Variants in CLVS1 observed in about 807,000 individuals in gnomAD.
CLVS1 encodes the protein clavesin 1, also known as clavesin-1.
CLVS1 carries 10 observed loss-of-function variants against 33.1 expected under a neutral mutation model. The ratio of observed to expected loss-of-function variants is 0.30; its 90% CI spans 0.19 to 0.51. CLVS1 has a LOEUF of 0.51. Among genes scored for constraint, CLVS1 ranks in the 20% least tolerant of loss-of-function variants. The pLI is 0.97. For synonymous variants in CLVS1, 163 were observed against 166.1 expected, an observed-to-expected ratio of 0.98 and a Z score of 0.14; for missense variants, 343 against 433.4, an observed-to-expected ratio of 0.79 and a Z score of 1.85.
intron 3 of CLVS1, among the ~76,000 whole-genome samples, chr8:61,394,271 GC>G (rs1814429853): frequency 6.6e-6 from 1 of 152,130 alleles, no homozygotes; most frequent in Non-Finnish European, 1.5e-5. Context: ...GAGTTGGTTG[GC>G]CCAGGAGGTG....
At chr8:61,491,287 A>G (rs1487289347) in intron 5 of CLVS1, among the ~76,000 whole-genome samples, 2 of 152,220 alleles carry the variant, frequency 1.3e-5, no homozygotes, top group African/African-American at 2.4e-5. Flanking sequence ...ATTGTTTTAC[A>G]TGGGATCAGA....
At chr8:61,274,378 T>C (rs888325722) in intron 2 of CLVS1, among the ~76,000 whole-genome samples, 6 of 152,212 alleles carry the variant, frequency 3.9e-5, no homozygotes. Flanking sequence ...AAATTAGCTC[T>C]ATTTCCCTGA....
chr8:61,066,963 C>G (rs1804694173), intron 1 of CLVS1, among the ~76,000 whole-genome samples: 1 of 152,056 alleles, frequency 6.6e-6, no homozygotes, highest in South Asian at 2.1e-4. Flanking sequence ...TGACTGCAGT[C>G]TAGTCATCAA....
chr8:60,969,754 C>T, the CLVS1 span, among the ~76,000 whole-genome samples: 10 of 151,810 alleles, frequency 6.6e-5, no homozygotes, highest in African/African-American at 2.4e-4. Flanking sequence ...ATTCAGCATC[C>T]ATGAATTAAC....
At chr8:61,003,377 C>A in the CLVS1 span, among the ~76,000 whole-genome samples, 60 of 152,276 alleles carry the variant, frequency 3.9e-4, 1 homozygote, top group South Asian at 4.6e-3. Context: ...AACAGGCTCA[C>A]CACCTTTGGC....
intron 2 of CLVS1, among the ~76,000 whole-genome samples, chr8:61,253,150 A>T (rs937224672): frequency 3.3e-5 from 5 of 152,046 alleles, no homozygotes; most frequent in African/African-American, 1.2e-4. Flanking sequence ...TGCTTGTCTG[A>T]AAAGTATTTT....
intron 2 of CLVS1, among the ~76,000 whole-genome samples, chr8:61,245,141 T>C (rs939121597): frequency 8.5e-5 from 13 of 152,190 alleles, no homozygotes; most frequent in Admixed American, 7.9e-4. Context: ...TTAGCATTTT[T>C]GTGGTGTATT....
Position 61,162,141 on chromosome 8 carries a change from C to CTCAT in CLVS1, c.-152+30285_-152+30288dup, listed in dbSNP as rs202117718. On this transcript the variant is annotated intron_variant, in intron 2 of 2. Transcript: ENST00000522621. ...CCCAGGCCATTGCATGGTCTTTAAG[C>CTCAT]TCATTCAATCACTCAGAATTGTTCA... Among the ~76,000 whole-genome samples, 821 of 152,330 alleles carry CTCAT rather than the reference C, an allele frequency of 5.4e-3. 7 individuals carry two copies. The highest frequency in any genetic ancestry group is 0.019 in the African/African-American group (774 of 41,564).
chr8:61,441,499 G>A (rs1563554590), intron 3 of CLVS1, among the ~76,000 whole-genome samples: 1 of 152,132 alleles, frequency 6.6e-6, no homozygotes, highest in Non-Finnish European at 1.5e-5. Context: ...AGAGATGAGA[G>A]TTATAAAGGG....
chr8:61,262,343 G>A (rs966212972), intron 2 of CLVS1, among the ~76,000 whole-genome samples: 9 of 151,950 alleles, frequency 5.9e-5, no homozygotes, highest in Admixed American at 2.0e-4. Context: ...CATGTCATAC[G>A]ATGCTGCTTG....
intron 2 of CLVS1, among the ~76,000 whole-genome samples, chr8:61,143,655 A>T (rs1012724717): frequency 2.6e-5 from 4 of 151,870 alleles, no homozygotes; most frequent in Non-Finnish European, 5.9e-5. Context: ...TGTACTGTCT[A>T]TTCTGCACCT....
chr8:61,215,473 A>G (rs1020947250), intron 2 of CLVS1, among the ~76,000 whole-genome samples: 1 of 152,130 alleles, frequency 6.6e-6, no homozygotes, highest in Non-Finnish European at 1.5e-5. Context: ...ATATTGGGTC[A>G]ACCTCATGAG....
chr8:61,471,932 C>T (rs1345508386), intron 5 of CLVS1, among the ~76,000 whole-genome samples: 1 of 152,234 alleles, frequency 6.6e-6, no homozygotes, highest in African/African-American at 2.4e-5. Context: ...CTGCAGGCCC[C>T]TCCCGGGCAC....
intron 2 of CLVS1, among the ~76,000 whole-genome samples, chr8:61,261,734 C>T (rs1585730902): frequency 6.6e-6 from 1 of 152,174 alleles, no homozygotes; most frequent in Non-Finnish European, 1.5e-5. Context: ...AAGGGGCCCT[C>T]ATAAGAACCT....
chr8:60,966,297 T>C, the CLVS1 span: 6 of 449,852 alleles, frequency 1.3e-5, no homozygotes, highest in South Asian at 9.4e-5. Context: ...GCAGCCCAGG[T>C]GAAGGGATCC....
At position 61,123,200 on chromosome 8, in the gene CLVS1, C is replaced by T. The variant is rs1315713395; in HGVS notation, c.-242-8570C>T. On this transcript the variant is annotated intron_variant, in intron 1 of 2. Transcript: ENST00000522621. ...AGGAGAATCACTTGAACTCGGGAGG[C>T]GGAGGTTGCGCTGAGCCGAGATCGC... Among the ~76,000 whole-genome samples the T allele has an allele frequency of 5.6e-5, 8 of 142,272 alleles. 1 individual carries two copies. Among genetic ancestry groups the T allele is most frequent in the African/African-American group, 2.1e-4 (8 of 38,974 alleles). The allele number at this position is 142,272 out of a possible 152,430, so 93.3% of individuals were successfully genotyped here.
intron 1 of CLVS1, among the ~76,000 whole-genome samples, chr8:61,121,557 A>G (rs1481224801): frequency 2.6e-5 from 4 of 152,238 alleles, no homozygotes; most frequent in African/African-American, 9.6e-5. Context: ...GATGGATATA[A>G]AAATGTTCTG....
chr8:61,274,319 T>A (rs879759866), intron 2 of CLVS1, among the ~76,000 whole-genome samples: 1 of 152,136 alleles, frequency 6.6e-6, no homozygotes, highest in Non-Finnish European at 1.5e-5. Flanking sequence ...TTTCTTTGAC[T>A]TTTTATATTC....
At chr8:61,121,749 C>T (rs1229356213) in intron 1 of CLVS1, among the ~76,000 whole-genome samples, 1 of 152,144 alleles carries the variant, frequency 6.6e-6, no homozygotes, top group Non-Finnish European at 1.5e-5. Flanking sequence ...CAGTTCATAA[C>T]AGAAACACAC....
Sources: gnomAD v4.1 joint callset for allele counts (sites outside exome capture counted in the v4.1 genomes callset) on GRCh38, gnomAD v4.1.1 for gene constraint, MANE v1.5 for transcripts, NCBI Gene and HGNC (gene_info 2026-07-23, HGNC 2026-07-21) for gene names.